The following DAB2IP variants were observed in gnomAD, a reference collection of about 807,000 sequenced individuals.
The protein encoded by DAB2IP is disabled homolog 2-interacting protein.
A neutral mutation model predicts 107.2 loss-of-function variants in DAB2IP; 28 were observed. That is an observed-to-expected ratio of 0.26 (90% CI 0.19 to 0.36). The LOEUF is 0.36. Ranked by LOEUF, DAB2IP falls within the 10% of genes least tolerant of loss-of-function variation. The pLI, the probability that DAB2IP is intolerant of heterozygous loss-of-function variation, is 1.00. For synonymous variants in DAB2IP, 755 were observed against 706.4 expected (o/e 1.07, Z -1.09); for missense variants, 1,400 against 1,644.7 (o/e 0.85, Z 2.57).
rs1340357002 is a variant in DAB2IP at position 121,701,910 on chromosome 9, C to T, written c.362+2452C>T. 6.6e-6 allele frequency among the ~76,000 whole-genome samples: 1 copy of T among 152,166 alleles called. No homozygotes were observed. The highest frequency in any genetic ancestry group is 1.9e-4 in the East Asian group (1 of 5,190). The stretch of plus-strand genomic sequence containing the variant: ...GCAGCAAGGAAGGGTTGTGTCCTGG[C>T]TCCATGGGACCCCCACTGGCTGCCA... On this transcript the variant is annotated intron_variant, in intron 3 of 15. Transcript: ENST00000408936. The surrounding 1 kb of genome is among the most constrained non-coding windows in gnomAD (Gnocchi z 4.7).
intron 1 of DAB2IP, among the ~76,000 whole-genome samples, chr9:121,673,037 T>C (rs1005405135): frequency 6.6e-6 from 1 of 152,228 alleles, no homozygotes; most frequent in Non-Finnish European, 1.5e-5. Context: ...CTGCCTTCTT[T>C]TCCTGTGTAA....
Position 121,749,376 on chromosome 9 carries a change from CTGGCTA to C in DAB2IP, c.363-7634_363-7629del, listed in dbSNP as rs1432649107. On this transcript the variant is annotated intron_variant, in intron 3 of 15. Transcript: ENST00000408936. The stretch of plus-strand genomic sequence containing the variant: ...CTTCTAGCACAGCCTCTGGACCTGC[CTGGCTA>C]TGACAGGCAGAAGCATGATTGGCAT... 3.3e-5 allele frequency among the ~76,000 whole-genome samples: 5 copies of C among 152,234 alleles called. No homozygotes were observed. The East Asian group carries it at 9.6e-4, about 29-fold the overall frequency.
At chr9:121,737,715 G>A (rs1832029772) in intron 3 of DAB2IP, 1 of 985,466 alleles carries the variant, frequency 1.0e-6, no homozygotes, top group Non-Finnish European at 1.2e-6. Flanking sequence ...CCACCACAAA[G>A]GTCTGTTTGA....
intron 3 of DAB2IP, among the ~76,000 whole-genome samples, chr9:121,704,526 C>T (rs1020279816): frequency 6.6e-6 from 1 of 152,142 alleles, no homozygotes; most frequent in African/African-American, 2.4e-5. Context: ...TTGCAGGATT[C>T]TTGGTTGCCC....
chr9:121,679,480 C>T (rs1470071463), intron 2 of DAB2IP, among the ~76,000 whole-genome samples: 3 of 151,056 alleles, frequency 2.0e-5, no homozygotes, highest in Non-Finnish European at 2.9e-5. Context: ...TTCACTCCCT[C>T]GTTCAGGAGC....
intron 1 of DAB2IP, among the ~76,000 whole-genome samples, chr9:121,628,933 T>G (rs1244709060): frequency 6.6e-6 from 1 of 152,222 alleles, no homozygotes; most frequent in Non-Finnish European, 1.5e-5. Flanking sequence ...ACAGGGCAAG[T>G]GGGACGGTGG....
At chr9:121,731,435 A>G (rs934446441) in intron 3 of DAB2IP, among the ~76,000 whole-genome samples, 9 of 152,378 alleles carry the variant, frequency 5.9e-5, no homozygotes, top group African/African-American at 2.2e-4. Context: ...AGGAAACCAA[A>G]GCAGAGGCTG....
intron 1 of DAB2IP, among the ~76,000 whole-genome samples, chr9:121,664,377 T>C (rs1833332568): frequency 1.3e-5 from 2 of 152,216 alleles, no homozygotes; most frequent in South Asian, 4.1e-4. Flanking sequence ...GCTGTCTAGG[T>C]CCTTTGGTTT....
intron 1 of DAB2IP, among the ~76,000 whole-genome samples, chr9:121,646,587 A>G (rs1242740035): frequency 6.8e-6 from 1 of 146,496 alleles, no homozygotes; most frequent in Non-Finnish European, 1.5e-5. Context: ...GGATGTGTGC[A>G]GGCCTGCCTG....
chr9:121,693,380 T>C (rs1489084918), intron 2 of DAB2IP, among the ~76,000 whole-genome samples: 1 of 152,132 alleles, frequency 6.6e-6, no homozygotes, highest in African/African-American at 2.4e-5. Flanking sequence ...TGCCAGCTCA[T>C]GCACCCAGCA....
At chr9:121,738,287 G>A (rs900647454) in intron 3 of DAB2IP, among the ~76,000 whole-genome samples, 3 of 152,122 alleles carry the variant, frequency 2.0e-5, no homozygotes, top group African/African-American at 7.2e-5. Flanking sequence ...CTGTGCCCTC[G>A]CGCTCTCCCA....
chr9:121,617,877 G>A (rs1225164089), intron 1 of DAB2IP, among the ~76,000 whole-genome samples: 1 of 152,122 alleles, frequency 6.6e-6, no homozygotes, highest in Non-Finnish European at 1.5e-5. Context: ...CGTGGGAGGG[G>A]AGCCGGTTTC....
intron 3 of DAB2IP, among the ~76,000 whole-genome samples, chr9:121,747,156 G>A (rs1000881286): frequency 1.3e-5 from 2 of 152,062 alleles, no homozygotes; most frequent in African/African-American, 2.4e-5. Context: ...TGGGGCTGGG[G>A]GTAGGGGGAC....
At chr9:121,624,102 T>C (rs1022085330) in intron 1 of DAB2IP, among the ~76,000 whole-genome samples, 25 of 152,186 alleles carry the variant, frequency 1.6e-4, no homozygotes, top group Non-Finnish European at 1.5e-5. Context: ...ACTCCTCTCC[T>C]AGTGCCACCA....
intron 2 of DAB2IP, among the ~76,000 whole-genome samples, chr9:121,682,438 T>C (rs1344439989): frequency 1.3e-5 from 2 of 152,198 alleles, no homozygotes; most frequent in Non-Finnish European, 2.9e-5. Context: ...ACCTTCTCCA[T>C]GGAAACTGAG....
chr9:121,777,418 CCTG>C (rs1223284641), intron 14 of DAB2IP, among the ~76,000 whole-genome samples: 2 of 152,212 alleles, frequency 1.3e-5, no homozygotes, highest in Non-Finnish European at 2.9e-5. Flanking sequence ...TGGCTAGAAA[CCTG>C]CTGTTCACTT....
chr9:121,667,167 C>G (rs956994978), intron 1 of DAB2IP, among the ~76,000 whole-genome samples: 1 of 152,102 alleles, frequency 6.6e-6, no homozygotes, highest in Non-Finnish European at 1.5e-5. Flanking sequence ...TGCACCACCA[C>G]GCCTGACTAA....
chr9:121,631,607 A>G (rs1831883404), intron 1 of DAB2IP, among the ~76,000 whole-genome samples: 1 of 152,060 alleles, frequency 6.6e-6, no homozygotes, highest in East Asian at 1.9e-4. Flanking sequence ...AACAAGGTCA[A>G]GAGATCGAGA....
chr9:121,591,092 C>T lies in DAB2IP; in HGVS notation c.40+23864C>T, dbSNP rs577057537. Among the ~76,000 whole-genome samples, 10 of 152,168 alleles carry T rather than the reference C, an allele frequency of 6.6e-5. No homozygotes were observed. The South Asian group carries it at 8.3e-4, about 13-fold the overall frequency. ...GGAAACTGGTATGCAAAGGCTGTGTCGTGGGAAGAAGCGTTGTATATTTGA... is the reference window on the plus strand; with the variant it reads ...GGAAACTGGTATGCAAAGGCTGTGTTGTGGGAAGAAGCGTTGTATATTTGA... On this transcript the variant is annotated intron_variant, in intron 1 of 16. Transcript: ENST00000259371.
Sources: allele counts gnomAD v4.1 joint callset (sites outside exome capture counted in the v4.1 genomes callset), GRCh38; gene constraint gnomAD v4.1.1; non-coding constraint Gnocchi (gnomAD v3.1); transcripts MANE v1.5; gene names NCBI Gene and HGNC (gene_info 2026-07-23, HGNC 2026-07-21).